The following APOA4 variants were observed in gnomAD, a reference collection of about 807,000 sequenced individuals.
APOA4 encodes apolipoprotein A-IV.
Under a neutral mutation model 33.6 loss-of-function variants are expected in APOA4, and 25 were observed. The observed-to-expected ratio is 0.74, with a 90% confidence interval of 0.54 to 1.04. The LOEUF is 1.04. Among genes scored for constraint, APOA4 ranks in the 50% least tolerant of loss-of-function variants. APOA4 has a pLI of 0.00. For missense variants in APOA4, 549 were observed against 510.4 expected (o/e 1.08, Z -0.73); for synonymous variants, 228 against 224.0 (o/e 1.02, Z -0.16).
Position 116,821,062 on chromosome 11 carries a change from A to G in APOA4, c.996T>C (p.His332=), listed in dbSNP as rs1461716302. ...MEQLRQKLGP[H]AGDVEGHLSF... ...TCAAGTGGCCTTCCACGTCCCCCGC[A>G]TGGGGGCCCAGTTTCTGCCTGAGCT... Residue 332 remains histidine (H), a synonymous_variant, in exon 3 of 3, where the codon CAT becomes CAC. Coordinates refer to ENST00000357780, the MANE Select transcript of APOA4 (RefSeq NM_000482.4). The G allele has an allele frequency of 1.2e-6, 2 of 1,613,980 alleles. No individual in the cohort carries two copies. Among genetic ancestry groups the G allele is most frequent in the Non-Finnish European group, 1.7e-6 (2 of 1,180,026 alleles).
intron 2 of APOA4, 128 bp downstream of exon 2, chr11:116,822,531 G>T: frequency 7.2e-7 from 1 of 1,385,030 alleles, no homozygotes; most frequent in Non-Finnish European, 1.0e-6. Flanking sequence ...TCAGAGGCCC[G>T]GCCAGTTAGT....
rs1355734114 is a variant in APOA4, at chr11:116,820,946, G to T, written c.1112C>A (p.Pro371His). 5 of 1,613,764 alleles carry T rather than the reference G, an allele frequency of 3.1e-6. No individual in the cohort carries two copies. The highest frequency in any genetic ancestry group is 3.4e-6 in the Non-Finnish European group (4 of 1,180,028). The change falls in exon 3 of 3, where the codon CCT becomes CAT. Residue 371 changes from proline to histidine, a missense_variant. Physicochemically the swap from Pro to His is moderately conservative, Grantham distance 77. Transcript: ENST00000357780. ...KESQDKTLSLPELEQQQEQQQ... is the reference protein window; with the variant it reads ...KESQDKTLSLHELEQQQEQQQ... The stretch of plus-strand genomic sequence containing the variant: ...CTGTTCCTGCTGTTGCTCCAGCTCA[G>T]GGAGGGAGAGAGTCTTGTCCTGGCT...
rs769788860 is a variant in APOA4 at position 116,821,089 on chromosome 11, T to C, written c.969A>G (p.Glu323=). The C allele has an allele frequency of 1.5e-5, 25 of 1,613,968 alleles. No homozygotes were observed. The East Asian group carries it at 2.5e-4, about 16-fold the overall frequency. Residue 323 remains glutamate, a synonymous_variant, in exon 3 of 3, where the codon GAA becomes GAG. Coordinates refer to ENST00000357780, the MANE Select transcript of APOA4 (RefSeq NM_000482.4). ...GGGGGCCCAGTTTCTGCCTGAGCTG[T>C]TCCATCTGCTGCACCAGGGCTTTGT... ...NFNKALVQQM[E]QLRQKLGPHA...
chr11:116,821,570 C>G lies in APOA4; in HGVS notation c.488G>C (p.Arg163Pro). Residue 163 changes from arginine to proline, a missense_variant, in exon 3 of 3, where the codon CGC (arginine) becomes CCC (proline). Arg to Pro is a moderately radical substitution (Grantham distance 103). Coordinates refer to ENST00000357780, the MANE Select transcript of APOA4 (RefSeq NM_000482.4). ...LRRQLTPYAQ[R>P]MERVLRENAD... Reference sequence around the variant, plus strand: ...GTTCTCCCGCAGCACTCTCTCCATGCGCTGTGCGTAGGGGGTCAGCTGGCG... The same window carrying G: ...GTTCTCCCGCAGCACTCTCTCCATGGGCTGTGCGTAGGGGGTCAGCTGGCG... 6.2e-7 allele frequency: 1 copy of G among 1,611,614 alleles called. No homozygotes were observed. The highest frequency in any genetic ancestry group is 8.5e-7 in the Non-Finnish European group (1 of 1,179,942).
At position 116,820,751 on chromosome 11, in the gene APOA4, T is replaced by A; in HGVS notation, c.*116A>T. The A allele has an allele frequency of 6.7e-7, 1 of 1,499,148 alleles. No individual in the cohort carries two copies. Among genetic ancestry groups the A allele is most frequent in the Non-Finnish European group, 8.9e-7 (1 of 1,122,028 alleles). 92.9% of individuals were successfully genotyped at this position (1,499,148 alleles called of 1,614,324 possible). A position where few individuals can be genotyped will look rare whatever the true frequency, so the allele number is the denominator to read the frequency against. ...TTGAATATTGAGAGGTGGTCTCACC[T>A]CCCACTGGACATGTGTCCTCAAGTT... On this transcript the variant is annotated 3_prime_UTR_variant, in exon 3 of 3. Transcript: ENST00000357780.
chr11:116,822,944 G>T (rs1941342907), intron 1 of APOA4, among the ~76,000 whole-genome samples, 159 bp from the exon 2 acceptor site: 1 of 152,234 alleles, frequency 6.6e-6, no homozygotes, highest in African/African-American at 2.4e-5. Context: ...ATGTGAAACT[G>T]GTATAGCACC....
chr11:116,821,418 G>T lies in APOA4; in HGVS notation c.640C>A (p.Gln214Lys). Residue 214 changes from glutamine (Q) to lysine (K), a missense_variant, in exon 3 of 3, where the codon CAG becomes AAG. Coordinates refer to ENST00000357780, the MANE Select transcript of APOA4 (RefSeq NM_000482.4). The part of the protein sequence containing the change: ...YADEFKVKID[Q>K]TVEELRRSLA... ...CTGCGGCGCAGCTCCTCCACGGTCTGGTCAATCTTGACTTTGAATTCGTCA... is the reference window on the plus strand; with the variant it reads ...CTGCGGCGCAGCTCCTCCACGGTCTTGTCAATCTTGACTTTGAATTCGTCA... The T allele has an allele frequency of 6.2e-7, 1 of 1,614,156 alleles. No homozygotes were observed. The highest frequency in any genetic ancestry group is 8.5e-7 in the Non-Finnish European group (1 of 1,180,024).
chr11:116,821,909 G>A lies in APOA4; in HGVS notation c.177-28C>T, dbSNP rs369303594. 3.7e-5 allele frequency: 60 copies of A among 1,609,768 alleles called. No homozygotes were observed. The South Asian group carries it at 4.9e-4, about 13-fold the overall frequency. ...GTGGGGAAGGGCACAAGGAGGCCACGTTACATTTGGCATTTACACGGCAAG... is the reference window on the plus strand; with the variant it reads ...GTGGGGAAGGGCACAAGGAGGCCACATTACATTTGGCATTTACACGGCAAG... On this transcript the variant is annotated intron_variant, in intron 2 of 2. Transcript: ENST00000357780.
chr11:116,822,516 T>G (rs1941338791), intron 2 of APOA4, 143 bp downstream of exon 2: 1 of 1,237,780 alleles, frequency 8.1e-7, no homozygotes, highest in African/African-American at 1.5e-5. Context: ...ATGTGGATCC[T>G]AGGTTCAGAG....
chr11:116,822,398 C>T (rs530473611), intron 2 of APOA4, among the ~76,000 whole-genome samples: 1 of 152,304 alleles, frequency 6.6e-6, no homozygotes, highest in Admixed American at 6.5e-5. Context: ...TCCTCCCTCC[C>T]TCTCTTCCAT....
At position 116,822,668 on chromosome 11, in the gene APOA4, T is replaced by C. The variant is rs758615168; in HGVS notation, c.167A>G (p.Gln56Arg). 19 of 1,614,248 alleles carry C rather than the reference T, an allele frequency of 1.2e-5. No individual in the cohort carries two copies. Among genetic ancestry groups the C allele is most frequent in the Non-Finnish European group, 1.4e-5 (17 of 1,180,040 alleles). The change falls in exon 2 of 3, where the codon CAG (glutamine) becomes CGG (arginine). Residue 56 changes from glutamine (Q) to arginine (R), a missense_variant. Physicochemically the swap from Gln to Arg is conservative, Grantham distance 43. Coordinates refer to ENST00000357780, the MANE Select transcript of APOA4 (RefSeq NM_000482.4). Reference sequence around the variant, plus strand: ...CTGTAGTCCCTCTTACTTGAGTTGCTGGGTGAGTTCAGATTTCTGGAGATG... The same window carrying C: ...CTGTAGTCCCTCTTACTTGAGTTGCCGGGTGAGTTCAGATTTCTGGAGATG... Reference protein sequence around the residue: ...VEHLQKSELTQQLNALFQDKL... With the variant: ...VEHLQKSELTRQLNALFQDKL...
Position 116,821,385 on chromosome 11 carries a change from G to C in APOA4, c.673C>G (p.Pro225Ala), listed in dbSNP as rs764495827. ...TVEELRRSLA[P>A]YAQDTQEKLN... ...TTCTCCTGCGTGTCCTGAGCATAGG[G>C]AGCCAGGCTGCGGCGCAGCTCCTCC... Residue 225 changes from proline (P) to alanine (A), a missense_variant, in exon 3 of 3, where the codon CCC becomes GCC. Pro to Ala is a conservative substitution (Grantham distance 27, BLOSUM62 -1). Coordinates refer to ENST00000357780, the MANE Select transcript of APOA4 (RefSeq NM_000482.4). 1 of 1,614,166 alleles carries C rather than the reference G, an allele frequency of 6.2e-7. No homozygotes were observed. Among genetic ancestry groups the C allele is most frequent in the Non-Finnish European group, 8.5e-7 (1 of 1,180,018 alleles).
In APOA4 at chr11:116,820,987, G is replaced by A. The variant is rs376352095; in HGVS notation, c.1071C>T (p.Thr357=). The change falls in exon 3 of 3, where the codon ACC becomes ACT. Residue 357 remains threonine (T), a synonymous_variant. Transcript: ENST00000357780. ...TGTCCTGGCTCTCTTTCTCCTTGAA[G>A]GTGCTGAAGAAGGAGTTGACCTTGT... ...LRDKVNSFFS[T]FKEKESQDKT... The A allele has an allele frequency of 6.2e-6, 10 of 1,614,124 alleles. No individual in the cohort carries two copies. In the East Asian group the frequency reaches 8.9e-5, roughly 14 times the overall value.
intron 2 of APOA4, among the ~76,000 whole-genome samples, chr11:116,822,133 C>G (rs1941334388): frequency 6.6e-6 from 1 of 152,184 alleles, no homozygotes; most frequent in African/African-American, 2.4e-5. Flanking sequence ...TCACCTCCAG[C>G]AGTTTGCTTT....
rs778942396 is a variant in APOA4 at position 116,821,474 on chromosome 11, T to G, written c.584A>C (p.Glu195Ala). The stretch of plus-strand genomic sequence containing the variant: ...GGGCGTAAGGCGTCCCTTGAGCTCC[T>G]CCACGTTCTGGTCGATCTTGGCCTT... ...ELKAKIDQNV[E>A]ELKGRLTPYA... Residue 195 changes from glutamate (E) to alanine (A), a missense_variant, in exon 3 of 3, where the codon GAG becomes GCG. Physicochemically the swap from Glu to Ala is moderately radical, Grantham distance 107. Coordinates refer to ENST00000357780, the MANE Select transcript of APOA4 (RefSeq NM_000482.4). 1.2e-6 allele frequency: 2 copies of G among 1,614,158 alleles called. No homozygotes were observed. Among genetic ancestry groups the G allele is most frequent in the Admixed American group, 3.3e-5 (2 of 60,026 alleles).
At chr11:116,821,926 C>G (rs569917161) in intron 2 of APOA4, 45 bp from the exon 3 acceptor site, 9 of 1,606,126 alleles carry the variant, frequency 5.6e-6, no homozygotes, top group African/African-American at 5.3e-5. Context: ...TTGGCATTTA[C>G]ACGGCAAGAC....
Position 116,821,728 on chromosome 11 carries a change from C to T in APOA4, c.330G>A (p.Arg110=). ...EEIGKELEEL[R]ARLLPHANEV... ...CATTGGCATGGGGCAGCAGCCGGGC[C>T]CTCAGCTCCTCCAGCTCCTTCCCAA... The change falls in exon 3 of 3, where the codon AGG becomes AGA. Residue 110 remains arginine (R), a synonymous_variant. Coordinates refer to ENST00000357780, the MANE Select transcript of APOA4 (RefSeq NM_000482.4). The T allele has an allele frequency of 6.5e-7, 1 of 1,539,304 alleles. No individual in the cohort carries two copies. The highest frequency in any genetic ancestry group is 9.0e-7 in the Non-Finnish European group (1 of 1,112,988).
chr11:116,822,582 T>A, intron 2 of APOA4, 77 bp downstream of exon 2: 1 of 1,610,934 alleles, frequency 6.2e-7, no homozygotes, highest in Non-Finnish European at 8.5e-7. Context: ...CTCCTGTCTC[T>A]AAGCTCAACC....
Position 116,821,429 on chromosome 11 carries a change from A to C in APOA4, c.629T>G (p.Val210Gly). The C allele has an allele frequency of 6.2e-7, 1 of 1,613,958 alleles. No individual in the cohort carries two copies. Among genetic ancestry groups the C allele is most frequent in the Non-Finnish European group, 8.5e-7 (1 of 1,179,980 alleles). Residue 210 changes from valine (V) to glycine (G), a missense_variant, in exon 3 of 3, where the codon GTC (valine) becomes GGC (glycine). Transcript: ENST00000357780. ...CTCCTCCACGGTCTGGTCAATCTTGACTTTGAATTCGTCAGCGTAGGGCGT... is the reference window on the plus strand; with the variant it reads ...CTCCTCCACGGTCTGGTCAATCTTGCCTTTGAATTCGTCAGCGTAGGGCGT... ...RLTPYADEFK[V>G]KIDQTVEELR...
Sources: allele counts gnomAD v4.1 joint callset (sites outside exome capture counted in the v4.1 genomes callset), GRCh38; gene constraint gnomAD v4.1.1; transcripts MANE v1.5; gene names NCBI Gene and HGNC (gene_info 2026-07-23, HGNC 2026-07-21).